Variants in RPH3A observed in about 807,000 individuals in gnomAD.
RPH3A encodes rabphilin 3A.
A neutral mutation model predicts 102.2 loss-of-function variants in RPH3A; 48 were observed. That is an observed-to-expected ratio of 0.47 (90% CI 0.37 to 0.60). The LOEUF is 0.60. RPH3A is among the 20% of genes least tolerant of loss of function. RPH3A has a pLI of 0.00. For synonymous variants in RPH3A, 310 were observed against 324.3 expected (o/e 0.96, Z 0.47); for missense variants, 781 against 910.1 (o/e 0.86, Z 1.83).
chr12:112,708,931 G>T (rs2040442499), intron 1 of RPH3A, among the ~76,000 whole-genome samples: 1 of 152,080 alleles, frequency 6.6e-6, no homozygotes, highest in Non-Finnish European at 1.5e-5. Flanking sequence ...TCACAGATTT[G>T]ATTTTTACTC....
chr12:112,647,024 C>T (rs2039936648), intron 1 of RPH3A, among the ~76,000 whole-genome samples: 1 of 152,172 alleles, frequency 6.6e-6, no homozygotes, highest in African/African-American at 2.4e-5. Flanking sequence ...CACACATTAG[C>T]TTAGGTTTTT....
At chr12:112,783,329 T>C (rs2041021803) in intron 1 of RPH3A, among the ~76,000 whole-genome samples, 1 of 152,092 alleles carries the variant, frequency 6.6e-6, no homozygotes, top group Non-Finnish European at 1.5e-5. Flanking sequence ...CCTACCCCAC[T>C]TCCCTGGTCT....
At chr12:112,718,833 T>A (rs1201139771) in intron 1 of RPH3A, among the ~76,000 whole-genome samples, 2 of 152,208 alleles carry the variant, frequency 1.3e-5, no homozygotes, top group South Asian at 2.1e-4. Flanking sequence ...CAGGAATTGA[T>A]TGGTGATGTT....
At chr12:112,587,398 G>T (rs1181779758) in intron 1 of RPH3A, among the ~76,000 whole-genome samples, 1 of 152,226 alleles carries the variant, frequency 6.6e-6, no homozygotes, top group Non-Finnish European at 1.5e-5. Flanking sequence ...TCTGGAATCA[G>T]ACTTGGATTG....
chr12:112,616,369 A>T (rs991850416), intron 1 of RPH3A, among the ~76,000 whole-genome samples: 9 of 151,356 alleles, frequency 5.9e-5, no homozygotes, highest in Non-Finnish European at 1.0e-4. Flanking sequence ...CTGGTCTCGA[A>T]CTCCTGACCT....
intron 5 of RPH3A, among the ~76,000 whole-genome samples, chr12:112,848,787 C>T (rs1442398033): frequency 6.6e-6 from 1 of 151,878 alleles, no homozygotes; most frequent in Non-Finnish European, 1.5e-5. Context: ...CAAGGAGTGG[C>T]ATGGGTGTGG....
At chr12:112,634,818 G>A (rs899687100) in intron 1 of RPH3A, among the ~76,000 whole-genome samples, 4 of 152,280 alleles carry the variant, frequency 2.6e-5, no homozygotes, top group Admixed American at 1.3e-4. Flanking sequence ...TTGGGTGCTC[G>A]TGGAACTCTA....
intron 1 of RPH3A, among the ~76,000 whole-genome samples, chr12:112,773,363 C>G (rs954630080): frequency 2.0e-5 from 3 of 151,972 alleles, no homozygotes; most frequent in Non-Finnish European, 4.4e-5. Context: ...CAGAAAAGAT[C>G]CCCCCTCCTT....
At chr12:112,670,920 G>A (rs900166459) in intron 1 of RPH3A, among the ~76,000 whole-genome samples, 12 of 152,214 alleles carry the variant, frequency 7.9e-5, no homozygotes, top group African/African-American at 2.9e-4. Context: ...TTGATGTGAG[G>A]ATCTGCAAAA....
intron 3 of RPH3A, among the ~76,000 whole-genome samples, 166 bp downstream of exon 3, chr12:112,828,555 G>A (rs1369937770): frequency 6.6e-6 from 1 of 152,174 alleles, no homozygotes; most frequent in East Asian, 1.9e-4. Flanking sequence ...ACTATTTTGC[G>A]AGGTTGGAGG....
At chr12:112,756,185 C>A (rs1318653307) in intron 1 of RPH3A, among the ~76,000 whole-genome samples, 1 of 151,440 alleles carries the variant, frequency 6.6e-6, no homozygotes. Context: ...ACATTGTATA[C>A]ATGTGTAATG....
intron 1 of RPH3A, among the ~76,000 whole-genome samples, chr12:112,707,585 G>A (rs142523549): frequency 2.4e-4 from 36 of 152,292 alleles, no homozygotes; most frequent in African/African-American, 8.7e-4. Flanking sequence ...ATAGATACAA[G>A]CATATTGCCT....
At chr12:112,793,760 G>A (rs1223696472) in intron 2 of RPH3A, among the ~76,000 whole-genome samples, 1 of 152,074 alleles carries the variant, frequency 6.6e-6, no homozygotes, top group Non-Finnish European at 1.5e-5. Flanking sequence ...ATTGAAATTT[G>A]GTACTAATCG....
chr12:112,774,595 C>T (rs1217992122), intron 1 of RPH3A, among the ~76,000 whole-genome samples: 1 of 152,162 alleles, frequency 6.6e-6, no homozygotes. Context: ...CCTTTGTTGG[C>T]AGCCTTAAAA....
chr12:112,725,735 T>G (rs1006146121), intron 1 of RPH3A, among the ~76,000 whole-genome samples: 1 of 151,444 alleles, frequency 6.6e-6, no homozygotes, highest in Non-Finnish European at 1.5e-5. Flanking sequence ...ATTTTAAAAT[T>G]TTTATATATT....
Position 112,869,816 on chromosome 12 carries a change from G to C in RPH3A, c.649+19G>C, listed in dbSNP as rs766830169. 7 of 1,614,028 alleles carry C rather than the reference G, an allele frequency of 4.3e-6. No homozygotes were observed. Among genetic ancestry groups the C allele is most frequent in the Non-Finnish European group, 4.2e-6 (5 of 1,180,028 alleles). On this transcript the variant is annotated intron_variant, in intron 9 of 21. Coordinates refer to ENST00000389385, the MANE Select transcript of RPH3A (RefSeq NM_001143854.2). ...AAGACAGGTGGGTTCTGCTGACTCTGTTTTGTCATTTGAGACACGAATTCA... is the reference window on the plus strand; with the variant it reads ...AAGACAGGTGGGTTCTGCTGACTCTCTTTTGTCATTTGAGACACGAATTCA...
intron 15 of RPH3A, among the ~76,000 whole-genome samples, chr12:112,883,040 G>C (rs138637687): frequency 2.0e-4 from 31 of 152,208 alleles, no homozygotes; most frequent in African/African-American, 7.0e-4. Flanking sequence ...CTTTCTTAAG[G>C]GAAAGTTCAA....
At chr12:112,579,919 C>A (rs2039384783) in intron 1 of RPH3A, among the ~76,000 whole-genome samples, 2 of 152,116 alleles carry the variant, frequency 1.3e-5, no homozygotes, top group Admixed American at 1.3e-4. Context: ...GTCATTCCCC[C>A]ATCTTCATAT....
At chr12:112,883,463 G>C (rs975833119) in intron 16 of RPH3A, 61 bp downstream of exon 16, 1 of 1,230,090 alleles carries the variant, frequency 8.1e-7, no homozygotes, top group African/African-American at 1.5e-5. Flanking sequence ...GGGTGGAACT[G>C]AGACTTGGGG....
Sources: allele counts gnomAD v4.1 joint callset (sites outside exome capture counted in the v4.1 genomes callset), GRCh38; gene constraint gnomAD v4.1.1; transcripts MANE v1.5; gene names NCBI Gene and HGNC (gene_info 2026-07-23, HGNC 2026-07-21).